The following TULP2 variants were observed in gnomAD, a reference collection of about 807,000 sequenced individuals.
The protein encoded by TULP2 is tubby-related protein 2.
In TULP2, 64 loss-of-function variants were observed where a neutral mutation model predicts 60.3. The ratio of observed to expected loss-of-function variants is 1.06; its 90% confidence interval spans 0.87 to 1.31. The LOEUF (loss-of-function observed/expected upper bound fraction) is 1.31, where lower values mean the gene tolerates loss of function less well. TULP2 is among the 50% of genes most tolerant of loss of function. The pLI, the probability that TULP2 is intolerant of heterozygous loss-of-function variation, is 0.00. For synonymous variants in TULP2, 267 were observed against 265.4 expected, an observed-to-expected ratio of 1.01 and a Z score of -0.06; for missense variants, 652 against 667.0, an observed-to-expected ratio of 0.98 and a Z score of 0.25.
intron 4 of TULP2, 93 bp from the exon 5 acceptor site, chr19:48,895,596 C>A: frequency 6.7e-7 from 1 of 1,492,738 alleles, no homozygotes; most frequent in Non-Finnish European, 9.0e-7. Flanking sequence ...AAATATCACC[C>A]CCGCCAGGCG....
chr19:48,898,451 A>G (rs1417713645), intron 1 of TULP2, 139 bp downstream of exon 1: 1 of 149,746 alleles, frequency 6.7e-6, no homozygotes, highest in Non-Finnish European at 1.5e-5. Flanking sequence ...CACTTCAAAC[A>G]CCCAGCCCCC....
intron 6 of TULP2, among the ~76,000 whole-genome samples, chr19:48,892,003 C>T (rs1373781162): frequency 1.3e-5 from 2 of 152,230 alleles, no homozygotes; most frequent in Non-Finnish European, 2.9e-5. Context: ...CATGATGTCT[C>T]GCCTCCAGCC....
chr19:48,886,767 ATTT>A (rs200818027), intron 8 of TULP2, among the ~76,000 whole-genome samples: 3 of 140,192 alleles, frequency 2.1e-5, no homozygotes, highest in Non-Finnish European at 4.7e-5. Flanking sequence ...GGTCCAGACT[ATTT>A]TTTTTTTTTT....
At chr19:48,896,223 T>C (rs2037279487) in intron 4 of TULP2, among the ~76,000 whole-genome samples, 1 of 148,916 alleles carries the variant, frequency 6.7e-6, no homozygotes, top group African/African-American at 2.5e-5. Flanking sequence ...AACCCCTCCC[T>C]CACAGGTCCT....
At chr19:48,884,068 T>C in intron 9 of TULP2, 22 bp from the exon 10 acceptor site, 1 of 1,596,160 alleles carries the variant, frequency 6.3e-7, no homozygotes, top group South Asian at 1.1e-5. Flanking sequence ...AGGGAATGGA[T>C]AGAATAAAAA....
At chr19:48,882,933 G>T (rs1210586457) in intron 11 of TULP2, among the ~76,000 whole-genome samples, 1 of 151,976 alleles carries the variant, frequency 6.6e-6, no homozygotes, top group Non-Finnish European at 1.5e-5. Context: ...TGTAAGAGAG[G>T]TTACTGCCGG....
rs1169869963 is a variant in TULP2 at position 48,881,092 on chromosome 19, G to A, written c.1482C>T (p.Gly494=). The change falls in exon 13 of 13, where the codon GGC becomes GGT. Residue 494 remains glycine, a synonymous_variant. Coordinates refer to ENST00000221399, the MANE Select transcript of TULP2 (RefSeq NM_003323.3). ...AGAAGTCCATGGTGAATGTGTCTGG[G>A]CCCACTCGGCCGAACTGGAGCACCA... is the stretch of plus-strand genomic sequence containing the variant. ...EHLVLQFGRV[G]PDTFTMDFCF... 2 of 1,613,602 alleles carry A rather than the reference G, an allele frequency of 1.2e-6. No homozygotes were observed. The highest frequency in any genetic ancestry group is 1.7e-5 in the Admixed American group (1 of 59,962).
At chr19:48,890,053 G>A (rs1164467519) in intron 6 of TULP2, among the ~76,000 whole-genome samples, 7 of 152,144 alleles carry the variant, frequency 4.6e-5, no homozygotes, top group East Asian at 1.9e-4. Flanking sequence ...CCCGACACCC[G>A]TAAAGGGTCT....
At chr19:48,895,294 G>A in intron 5 of TULP2, 72 bp downstream of exon 5, 4 of 1,586,658 alleles carry the variant, frequency 2.5e-6, no homozygotes, top group Non-Finnish European at 3.4e-6. Flanking sequence ...CAGATGGATT[G>A]AGGCACCAGA....
rs912648233 is a variant in TULP2 at position 48,897,828 on chromosome 19, C to T, written c.32+9G>A. ...ACCTCCACCCCTACCCATCTGTTTC[C>T]CTACTCACTCTCTCATCAATGTGTC... On this transcript the variant is annotated intron_variant, in intron 2 of 12. Transcript: ENST00000221399. This position sits in a 1 kb window ranked among gnomAD's most constrained non-coding sequence, Gnocchi z 4.0. 5 of 1,613,694 alleles carry T rather than the reference C, an allele frequency of 3.1e-6. No individual in the cohort carries two copies. The African/African-American group carries it at 6.7e-5, about 22-fold the overall frequency.
intron 6 of TULP2, among the ~76,000 whole-genome samples, chr19:48,893,068 C>T (rs1286103412): frequency 2.0e-5 from 3 of 151,966 alleles, no homozygotes; most frequent in African/African-American, 7.2e-5. Flanking sequence ...CATAGTGACA[C>T]ACCATCTCAA....
chr19:48,897,293 G>A lies in TULP2; in HGVS notation c.84+52C>T, dbSNP rs1003041793. ...CAAGACCTGGTGGAGAGGCCCCTGG[G>A]GAGGCACAGAAGGCGGAAGAGTTGG... On this transcript the variant is annotated intron_variant, in intron 3 of 12. Transcript: ENST00000221399. The surrounding 1 kb of genome is among the most constrained non-coding windows in gnomAD (Gnocchi z 4.0). The A allele has an allele frequency of 1.8e-5, 29 of 1,596,772 alleles. No individual in the cohort carries two copies. The highest frequency in any genetic ancestry group is 3.3e-4 in the Middle Eastern group (2 of 6,052).
Position 48,881,119 on chromosome 19 carries a change from A to G in TULP2, c.1455T>C (p.His485=). 1 of 1,591,930 alleles carries G rather than the reference A, an allele frequency of 6.3e-7. No homozygotes were observed. Among genetic ancestry groups the G allele is most frequent in the South Asian group, 1.1e-5 (1 of 90,714 alleles). Residue 485 remains histidine (H), a synonymous_variant, in exon 13 of 13, where the codon CAT becomes CAC. Coordinates refer to ENST00000221399, the MANE Select transcript of TULP2 (RefSeq NM_003323.3). ...CCACTCGGCCGAACTGGAGCACCAG[A>G]TGTTCTTCTGAGAAGTGAATCAGGA... ...FQIVDPKHQE[H]LVLQFGRVGP...
chr19:48,892,360 T>C (rs2122135707), intron 6 of TULP2, among the ~76,000 whole-genome samples: 1 of 152,384 alleles, frequency 6.6e-6, no homozygotes, highest in East Asian at 1.9e-4. Flanking sequence ...CAAAGCATAC[T>C]GCCTGCAAAA....
Position 48,881,376 on chromosome 19 carries a change from A to ATT in TULP2, c.1448-252_1448-251dup, listed in dbSNP as rs72139613. 5.8e-3 allele frequency among the ~76,000 whole-genome samples: 528 copies of ATT among 90,390 alleles called. 8 individuals are homozygous for ATT. Among genetic ancestry groups the ATT allele is most frequent in the African/African-American group, 0.014 (275 of 19,544 alleles). 59.3% of individuals were successfully genotyped at this position (90,390 alleles called of 152,430 possible). On this transcript the variant is annotated intron_variant, in intron 12 of 12. Coordinates refer to ENST00000221399, the MANE Select transcript of TULP2 (RefSeq NM_003323.3). ...AGGCATGTGCCACCACGTCCGGCTA[A>ATT]TTTTTTTTTTTTTTTTTTTTTTTGA...
intron 8 of TULP2, 113 bp from the exon 9 acceptor site, chr19:48,885,673 C>T (rs530969149): frequency 1.1e-5 from 9 of 854,472 alleles, no homozygotes; most frequent in Admixed American, 2.4e-5. Flanking sequence ...CACTTGAGGA[C>T]AGGAGTTCGA....
Position 48,897,735 on chromosome 19 carries a change from G to GA in TULP2, c.32+101dup. On this transcript the variant is annotated intron_variant, in intron 2 of 12. Coordinates refer to ENST00000221399, the MANE Select transcript of TULP2 (RefSeq NM_003323.3). This position sits in a 1 kb window ranked among gnomAD's most constrained non-coding sequence, Gnocchi z 4.0. The stretch of plus-strand genomic sequence containing the variant: ...GTCCCCAGCCCCTTCCTGCAAGGCC[G>GA]ATGGTGCTGAACCTGCAAACATGGT... 7.8e-7 allele frequency: 1 copy of GA among 1,278,834 alleles called. No homozygotes were observed. The highest frequency in any genetic ancestry group is 1.1e-6 in the Non-Finnish European group (1 of 877,220). The allele number at this position is 1,278,834 out of a possible 1,614,324, so 79.2% of individuals were successfully genotyped here.
Position 48,897,993 on chromosome 19 carries a change from A to C in TULP2, c.-1-124T>G, listed in dbSNP as rs1025812052. 102 of 662,404 alleles carry C rather than the reference A, an allele frequency of 1.5e-4. No individual in the cohort carries two copies. Among genetic ancestry groups the C allele is most frequent in the Non-Finnish European group, 2.0e-4 (95 of 476,806 alleles). 41.0% of individuals were successfully genotyped at this position (662,404 alleles called of 1,614,324 possible). ...TTTATTTATTTATGTATTTAGAGAC[A>C]GCTGAGCCTCGCTCTGTCGCCCAGG... is the stretch of plus-strand genomic sequence containing the variant. On this transcript the variant is annotated intron_variant, in intron 1 of 12. Transcript: ENST00000221399. This position sits in a 1 kb window ranked among gnomAD's most constrained non-coding sequence, Gnocchi z 4.0.
At chr19:48,891,053 G>A (rs552124508) in intron 6 of TULP2, among the ~76,000 whole-genome samples, 47 of 151,904 alleles carry the variant, frequency 3.1e-4, no homozygotes, top group Non-Finnish European at 3.7e-4. Flanking sequence ...GGTGGCTCAC[G>A]CCTGTAATCC....
Sources: gnomAD v4.1 joint callset for allele counts (sites outside exome capture counted in the v4.1 genomes callset) on GRCh38, gnomAD v4.1.1 for gene constraint, Gnocchi (gnomAD v3.1) non-coding constraint, MANE v1.5 for transcripts, NCBI Gene and HGNC (gene_info 2026-07-23, HGNC 2026-07-21) for gene names.